The following AK5 variants were observed in gnomAD, a reference collection of about 807,000 sequenced individuals.
The protein encoded by AK5 is adenylate kinase isoenzyme 5.
A neutral mutation model predicts 69.5 loss-of-function variants in AK5; 27 were observed. That is an observed-to-expected ratio of 0.39 (90% confidence interval 0.29 to 0.54). The LOEUF (loss-of-function observed/expected upper bound fraction) is 0.54. AK5 is among the 20% of genes least tolerant of loss of function. AK5 has a pLI of 0.71. For synonymous variants in AK5, 260 were observed against 244.4 expected (o/e 1.06, Z -0.60); for missense variants, 531 against 700.4 (o/e 0.76, Z 2.73).
intron 7 of AK5, among the ~76,000 whole-genome samples, chr1:77,413,294 A>G (rs558449256): frequency 4.0e-5 from 6 of 149,894 alleles, no homozygotes; most frequent in Non-Finnish European, 8.9e-5. Flanking sequence ...CATCCCTCTC[A>G]CTCTCCCAAC....
At chr1:77,373,377 T>C (rs2100481922) in intron 6 of AK5, among the ~76,000 whole-genome samples, 1 of 152,364 alleles carries the variant, frequency 6.6e-6, no homozygotes, top group Non-Finnish European at 1.5e-5. Context: ...ATTGCTTACA[T>C]ATATTAATAG....
At chr1:77,509,853 C>T (rs1480603028) in intron 10 of AK5, among the ~76,000 whole-genome samples, 2 of 152,202 alleles carry the variant, frequency 1.3e-5, no homozygotes, top group Admixed American at 6.5e-5. Flanking sequence ...ACATCACCAA[C>T]AGTAGCTGCC....
At chr1:77,556,316 C>G (rs149370415) in intron 13 of AK5, among the ~76,000 whole-genome samples, 2 of 152,262 alleles carry the variant, frequency 1.3e-5, no homozygotes, top group Non-Finnish European at 2.9e-5. Flanking sequence ...CCTTGCTTCT[C>G]TTTATGACTT....
At chr1:77,303,700 G>A (rs1206881138) in intron 5 of AK5, among the ~76,000 whole-genome samples, 5 of 152,158 alleles carry the variant, frequency 3.3e-5, no homozygotes, top group South Asian at 2.1e-4. Context: ...GGGTCTTGAC[G>A]ATCCTCAGAG....
chr1:77,305,775 T>C (rs1346013823), intron 5 of AK5, among the ~76,000 whole-genome samples: 4 of 152,180 alleles, frequency 2.6e-5, no homozygotes, highest in Non-Finnish European at 4.4e-5. Flanking sequence ...TCAGGTAATG[T>C]GATTCTTCCA....
chr1:77,394,488 T>C (rs1001282510), intron 6 of AK5, among the ~76,000 whole-genome samples: 4 of 152,194 alleles, frequency 2.6e-5, no homozygotes, highest in African/African-American at 4.8e-5. Context: ...ACTGTAGTTC[T>C]CTATACAGCT....
In AK5 at chr1:77,558,580, C is replaced by G. The variant is rs1660253909; in HGVS notation, c.1621-22C>G. On this transcript the variant is annotated intron_variant, in intron 13 of 13. Transcript: ENST00000354567. ...TTTACAGATATTTCAGACTAACTCT[C>G]TTTTTTTCCTTTTAAATATAGATAA... 2.1e-6 allele frequency: 3 copies of G among 1,438,728 alleles called. No individual in the cohort carries two copies. In the South Asian group the frequency reaches 3.5e-5, roughly 17 times the overall value. The allele number at this position is 1,438,728 out of a possible 1,614,324, so 89.1% of individuals were successfully genotyped here. A position where few individuals can be genotyped will look rare whatever the true frequency, so the allele number is the denominator to read the frequency against.
chr1:77,556,946 C>T (rs975570789), intron 13 of AK5, among the ~76,000 whole-genome samples: 2 of 152,138 alleles, frequency 1.3e-5, no homozygotes, highest in African/African-American at 2.4e-5. Context: ...GCCCGCCCCC[C>T]ACATGACTCA....
At chr1:77,396,108 G>A (rs1237292408) in intron 6 of AK5, among the ~76,000 whole-genome samples, 1 of 152,152 alleles carries the variant, frequency 6.6e-6, no homozygotes, top group Non-Finnish European at 1.5e-5. Flanking sequence ...TCTACATGTT[G>A]CTTCCTGTCA....
intron 6 of AK5, among the ~76,000 whole-genome samples, chr1:77,361,841 C>A (rs531402894): frequency 5.2e-4 from 79 of 152,270 alleles, no homozygotes; most frequent in African/African-American, 1.7e-3. Context: ...CTCACCCCCG[C>A]CGTAATTCAG....
intron 13 of AK5, among the ~76,000 whole-genome samples, chr1:77,537,703 A>T (rs1320592740): frequency 6.6e-6 from 1 of 152,212 alleles, no homozygotes; most frequent in East Asian, 1.9e-4. Flanking sequence ...TCCTTGGGGG[A>T]AAACCATTGA....
intron 5 of AK5, among the ~76,000 whole-genome samples, chr1:77,300,240 C>T (rs1659258982): frequency 6.6e-6 from 1 of 152,114 alleles, no homozygotes; most frequent in South Asian, 2.1e-4. Flanking sequence ...GTAACAGTAC[C>T]GATTTGGGGT....
rs949347481 is a variant in AK5, at chr1:77,451,231, G to GA, written c.1060-32078dup. On this transcript the variant is annotated intron_variant, in intron 8 of 13. Transcript: ENST00000354567. ...CAAAACTACATGCTATGGAAAATTTGAAAAAAAATACAAAAAGTATAAAGA... is the reference window on the plus strand; with the variant it reads ...CAAAACTACATGCTATGGAAAATTTGAAAAAAAAATACAAAAAGTATAAAGA... Among the ~76,000 whole-genome samples, 50 of 151,270 alleles carry GA rather than the reference G, an allele frequency of 3.3e-4. No homozygotes were observed. The Middle Eastern group carries it at 0.01, about 31-fold the overall frequency.
chr1:77,444,397 TAA>T (rs1652589790), intron 8 of AK5, among the ~76,000 whole-genome samples: 1 of 83,500 alleles, frequency 1.2e-5, no homozygotes, highest in African/African-American at 5.0e-5. Context: ...ATATATAGTA[TAA>T]ATATATACTA....
rs577019614 is a variant in AK5, at chr1:77,282,383, G to A, written c.60+10G>A. On this transcript the variant is annotated intron_variant, in intron 1 of 13. Coordinates refer to ENST00000354567, the MANE Select transcript of AK5 (RefSeq NM_174858.3). The stretch of plus-strand genomic sequence containing the variant: ...CCCTCAGCTTTTTGAGGTAGGGCTA[G>A]AGCTGGCCGACGGGCGGTAGCATCC... The A allele has an allele frequency of 3.9e-6, 6 of 1,543,468 alleles. No homozygotes were observed. The South Asian group carries it at 6.1e-5, about 16-fold the overall frequency.
chr1:77,436,168 T>C (rs1483633415), intron 8 of AK5, among the ~76,000 whole-genome samples: 1 of 152,168 alleles, frequency 6.6e-6, no homozygotes, highest in Non-Finnish European at 1.5e-5. Flanking sequence ...TTCCTTTCTG[T>C]CTTGTTTCTA....
At chr1:77,449,209 T>G (rs1312457440) in intron 8 of AK5, among the ~76,000 whole-genome samples, 1 of 152,052 alleles carries the variant, frequency 6.6e-6, no homozygotes, top group Non-Finnish European at 1.5e-5. Context: ...CACCAGCCCA[T>G]GAAAGCAGCC....
intron 8 of AK5, among the ~76,000 whole-genome samples, chr1:77,435,952 G>A (rs773908079): frequency 6.6e-6 from 1 of 152,082 alleles, no homozygotes; most frequent in African/African-American, 2.4e-5. Flanking sequence ...AACCTTTCAC[G>A]ATCTGCACAG....
chr1:77,553,769 A>G (rs1659929057), intron 13 of AK5, among the ~76,000 whole-genome samples: 1 of 152,188 alleles, frequency 6.6e-6, no homozygotes, highest in African/African-American at 2.4e-5. Context: ...TCCCTGCTAC[A>G]GGGGAGGAAA....
Sources: gnomAD v4.1 joint callset for allele counts (sites outside exome capture counted in the v4.1 genomes callset) on GRCh38, gnomAD v4.1.1 for gene constraint, MANE v1.5 for transcripts, NCBI Gene and HGNC (gene_info 2026-07-23, HGNC 2026-07-21) for gene names.